The following CRADD variants were observed in gnomAD, a reference collection of about 807,000 sequenced individuals.
CRADD encodes death domain-containing protein CRADD.
In CRADD, 9 loss-of-function variants were observed where a neutral mutation model predicts 15.5. The observed-to-expected ratio is 0.58, with a 90% CI of 0.35 to 1.01. The LOEUF (loss-of-function observed/expected upper bound fraction) is 1.01, where lower values mean the gene tolerates loss of function less well. Ranked by LOEUF, CRADD falls within the 50% of genes least tolerant of loss-of-function variation. The pLI is 0.02. For missense variants in CRADD, 227 were observed against 250.3 expected, an observed-to-expected ratio of 0.91 and a Z score of 0.63; for synonymous variants, 118 against 107.6, an observed-to-expected ratio of 1.10 and a Z score of -0.60.
intron 2 of CRADD, among the ~76,000 whole-genome samples, chr12:93,765,390 G>A (rs145211990): frequency 1.6e-3 from 249 of 152,220 alleles, no homozygotes; most frequent in African/African-American, 5.5e-3. Context: ...TTTAGAGTGC[G>A]GGATCCACGC....
intron 2 of CRADD, among the ~76,000 whole-genome samples, chr12:93,811,028 G>A (rs933148624): frequency 2.8e-5 from 4 of 140,874 alleles, no homozygotes; most frequent in African/African-American, 8.3e-5. Context: ...GGCTTAAGGG[G>A]ATGTCAGTGA....
intron 2 of CRADD, among the ~76,000 whole-genome samples, chr12:93,847,098 G>A (rs184402652): frequency 2.5e-4 from 38 of 152,124 alleles, no homozygotes; most frequent in African/African-American, 6.3e-4. Context: ...GCGAGACTCC[G>A]TCTCAGAAAA....
chr12:93,762,369 T>G (rs572493041), intron 2 of CRADD, among the ~76,000 whole-genome samples: 1 of 152,338 alleles, frequency 6.6e-6, no homozygotes, highest in South Asian at 2.1e-4. Context: ...GAGAGATATG[T>G]CTGGCTTTCT....
intron 2 of CRADD, among the ~76,000 whole-genome samples, chr12:93,769,386 C>A (rs550044912): frequency 2.0e-5 from 3 of 152,268 alleles, no homozygotes; most frequent in African/African-American, 7.2e-5. Context: ...TCTTGGCCCA[C>A]CATTCTATTG....
intron 2 of CRADD, chr12:93,738,755 A>G (rs904179772): frequency 1.4e-5 from 4 of 276,466 alleles, no homozygotes; most frequent in African/African-American, 8.8e-5. Flanking sequence ...CTATTCAAAC[A>G]GAATAAAAAT....
intron 2 of CRADD, among the ~76,000 whole-genome samples, chr12:93,804,776 G>A (rs1196969069): frequency 2.0e-5 from 3 of 152,076 alleles, no homozygotes; most frequent in Non-Finnish European, 4.4e-5. Flanking sequence ...AGAGGGAGGA[G>A]GAAAGGATGT....
At chr12:93,843,109 C>A (rs1273409546) in intron 2 of CRADD, among the ~76,000 whole-genome samples, 1 of 152,090 alleles carries the variant, frequency 6.6e-6, no homozygotes, top group African/African-American at 2.4e-5. Flanking sequence ...ATAGTACTGC[C>A]TCACCCCAGG....
At chr12:93,758,272 T>G (rs1409854445) in intron 2 of CRADD, among the ~76,000 whole-genome samples, 4 of 152,196 alleles carry the variant, frequency 2.6e-5, no homozygotes, top group African/African-American at 9.6e-5. Context: ...CCAGAACACA[T>G]GTTTAACAAT....
At chr12:93,879,035 A>G (rs1958477373) in intron 2 of CRADD, among the ~76,000 whole-genome samples, 1 of 151,656 alleles carries the variant, frequency 6.6e-6, no homozygotes, top group African/African-American at 2.4e-5. Context: ...TTTCTTCTGA[A>G]TCTTCTATAT....
intron 2 of CRADD, among the ~76,000 whole-genome samples, chr12:93,795,119 A>G (rs921496457): frequency 2.6e-5 from 4 of 152,224 alleles, no homozygotes; most frequent in Non-Finnish European, 4.4e-5. Flanking sequence ...TATAAAGTCC[A>G]GAAGAGCAGC....
chr12:93,874,935 A>G (rs1482895384), intron 2 of CRADD, among the ~76,000 whole-genome samples: 2 of 152,068 alleles, frequency 1.3e-5, no homozygotes, highest in South Asian at 2.1e-4. Context: ...TACTAGATCC[A>G]TTTGATCTAC....
intron 2 of CRADD, among the ~76,000 whole-genome samples, chr12:93,722,609 A>G (rs1389952159): frequency 6.6e-6 from 1 of 152,120 alleles, no homozygotes; most frequent in African/African-American, 2.4e-5. Flanking sequence ...AGCTATGTCC[A>G]GTCTACTAAT....
chr12:93,784,193 G>A (rs888325894), intron 2 of CRADD, among the ~76,000 whole-genome samples: 3 of 152,040 alleles, frequency 2.0e-5, no homozygotes, highest in Non-Finnish European at 2.9e-5. Flanking sequence ...GAATCGAGGC[G>A]CTAAATATAG....
At chr12:93,735,793 A>G (rs74347882) in intron 2 of CRADD, 7 of 152,060 alleles carry the variant, frequency 4.6e-5, no homozygotes, top group African/African-American at 1.7e-4. Flanking sequence ...AAAATACTAG[A>G]TCTAGAACCA....
intron 2 of CRADD, among the ~76,000 whole-genome samples, chr12:93,684,352 G>A (rs75433420): frequency 0.28 from 42,695 of 151,834 alleles, 6,120 homozygotes; most frequent in East Asian, 0.41. Flanking sequence ...CATAAGGAGT[G>A]CGCGACCTCG....
intron 2 of CRADD, among the ~76,000 whole-genome samples, chr12:93,694,500 G>A (rs761871087): frequency 2.1e-4 from 32 of 152,074 alleles, no homozygotes; most frequent in African/African-American, 7.7e-4. Context: ...GAAATAAAAG[G>A]TATCTAGATT....
intron 2 of CRADD, among the ~76,000 whole-genome samples, chr12:93,833,616 G>A (rs1278459575): frequency 6.6e-6 from 1 of 152,118 alleles, no homozygotes; most frequent in Non-Finnish European, 1.5e-5. Context: ...AAAGTGTATA[G>A]GCATGAGCCA....
chr12:93,716,337 G>A (rs1362849242), intron 2 of CRADD, among the ~76,000 whole-genome samples: 1 of 152,114 alleles, frequency 6.6e-6, no homozygotes, highest in Non-Finnish European at 1.5e-5. Flanking sequence ...CCCAGGAGAG[G>A]TGTGACATTT....
intron 2 of CRADD, among the ~76,000 whole-genome samples, chr12:93,768,587 A>G (rs902500093): frequency 9.9e-5 from 15 of 152,256 alleles, no homozygotes; most frequent in African/African-American, 3.6e-4. Context: ...CTTCTACTCT[A>G]TATATCTCAA....
Sources: gnomAD v4.1 joint callset for allele counts (sites outside exome capture counted in the v4.1 genomes callset) on GRCh38, gnomAD v4.1.1 for gene constraint, MANE v1.5 for transcripts, NCBI Gene and HGNC (gene_info 2026-07-23, HGNC 2026-07-21) for gene names.